The following CFAP54 variants were observed in gnomAD, a reference collection of about 807,000 sequenced individuals.
CFAP54 encodes the protein cilia and flagella associated protein 54.
A neutral mutation model predicts 370.4 loss-of-function variants in CFAP54; 290 were observed. The observed-to-expected ratio is 0.78, with a 90% CI of 0.71 to 0.86. The LOEUF (loss-of-function observed/expected upper bound fraction) is 0.86, where lower values mean the gene tolerates loss of function less well. CFAP54 is among the 40% of genes least tolerant of loss of function. CFAP54 has a pLI of 0.00. For synonymous variants in CFAP54, 1,206 were observed against 1,236.5 expected, an observed-to-expected ratio of 0.98 and a Z score of 0.52; for missense variants, 3,399 against 3,528.7, an observed-to-expected ratio of 0.96 and a Z score of 0.93.
At chr12:96,793,299 A>G (rs974761849) in intron 63 of CFAP54, among the ~76,000 whole-genome samples, 1 of 152,110 alleles carries the variant, frequency 6.6e-6, no homozygotes, top group African/African-American at 2.4e-5. Context: ...TTGGTTTTCC[A>G]TTCCTGAGTT....
chr12:96,800,448 T>C (rs1958808851), intron 63 of CFAP54, among the ~76,000 whole-genome samples: 1 of 152,194 alleles, frequency 6.6e-6, no homozygotes, highest in African/African-American at 2.4e-5. Flanking sequence ...TTTCCATTTT[T>C]TAGTTTGAGA....
chr12:96,580,220 G>A lies in CFAP54; in HGVS notation c.2797-377G>A, dbSNP rs949696320. On this transcript the variant is annotated intron_variant, in intron 20 of 67. Coordinates refer to ENST00000524981, the MANE Select transcript of CFAP54 (RefSeq NM_001306084.2). The stretch of plus-strand genomic sequence containing the variant: ...TTAGGAGTCAACCCTGCCACTATCT[G>A]TCTGATCTTAGGCAAAGTTATTTAA... Among the ~76,000 whole-genome samples the A allele has an allele frequency of 4.0e-5, 6 of 151,842 alleles. No individual in the cohort carries two copies. The East Asian group carries it at 1.2e-3, about 29-fold the overall frequency.
At chr12:96,516,422 A>G (rs1032170453) in intron 5 of CFAP54, among the ~76,000 whole-genome samples, 3 of 152,154 alleles carry the variant, frequency 2.0e-5, no homozygotes, top group African/African-American at 7.2e-5. Flanking sequence ...GCTGCAGGGA[A>G]GGGGTTGATA....
intron 42 of CFAP54, 68 bp downstream of exon 42, chr12:96,685,306 A>C (rs921343034): frequency 4.2e-6 from 6 of 1,421,576 alleles, no homozygotes; most frequent in African/African-American, 2.8e-5. Flanking sequence ...CTCCTGTGCC[A>C]TACAAAGTGC....
At chr12:96,835,265 C>A (rs1959182469) in intron 66 of CFAP54, among the ~76,000 whole-genome samples, 2 of 152,086 alleles carry the variant, frequency 1.3e-5, no homozygotes, top group African/African-American at 4.8e-5. Flanking sequence ...CTCCTGCTAT[C>A]AGCAGAGAGG....
chr12:96,520,964 C>T (rs1212227243), intron 6 of CFAP54, among the ~76,000 whole-genome samples: 2 of 152,174 alleles, frequency 1.3e-5, no homozygotes, highest in Non-Finnish European at 2.9e-5. Flanking sequence ...TTGTGTAGCT[C>T]AAGATACATT....
intron 40 of CFAP54, among the ~76,000 whole-genome samples, chr12:96,680,857 G>A (rs1957261410): frequency 6.6e-6 from 1 of 152,172 alleles, no homozygotes. Context: ...GCCAAGGAGG[G>A]CAGATCATTT....
chr12:96,861,308 G>A (rs1330946118), intron 67 of CFAP54, among the ~76,000 whole-genome samples: 2 of 152,190 alleles, frequency 1.3e-5, no homozygotes, highest in African/African-American at 2.4e-5. Context: ...ACATTTGACA[G>A]TGTCTGGAGA....
intron 64 of CFAP54, among the ~76,000 whole-genome samples, chr12:96,813,062 T>C (rs111967820): frequency 0.012 from 1,808 of 152,368 alleles, 39 homozygotes; most frequent in African/African-American, 0.04. Context: ...CAGGTAATTC[T>C]GCACTTGCTT....
At chr12:96,547,173 G>T (rs1321641038) in intron 14 of CFAP54, among the ~76,000 whole-genome samples, 2 of 151,888 alleles carry the variant, frequency 1.3e-5, no homozygotes, top group African/African-American at 4.8e-5. Flanking sequence ...GCTATCTTCT[G>T]AAAGCTTTTA....
intron 66 of CFAP54, among the ~76,000 whole-genome samples, chr12:96,843,015 A>G (rs1723082214): frequency 6.6e-6 from 1 of 152,248 alleles, no homozygotes; most frequent in Non-Finnish European, 1.5e-5. Flanking sequence ...AGAAGTCAGC[A>G]TGAGCAGGAT....
At chr12:96,755,666 CTTTT>C (rs71758359) in intron 56 of CFAP54, among the ~76,000 whole-genome samples, 4 of 88,030 alleles carry the variant, frequency 4.5e-5, no homozygotes, top group Non-Finnish European at 9.0e-5. Flanking sequence ...TTCTTTTTTC[CTTTT>C]TTTTTTTTTT....
chr12:96,596,243 G>T (rs1036980715), intron 25 of CFAP54, among the ~76,000 whole-genome samples: 2 of 152,132 alleles, frequency 1.3e-5, no homozygotes, highest in Non-Finnish European at 2.9e-5. Flanking sequence ...TGCTCAATTG[G>T]CTGAGTTTAC....
At chr12:96,650,180 T>A in intron 35 of CFAP54, 108 bp downstream of exon 35, 1 of 1,024,300 alleles carries the variant, frequency 9.8e-7, no homozygotes, top group Non-Finnish European at 1.4e-6. Context: ...TAATTTTAGT[T>A]GTGACTTTGA....
chr12:96,784,456 ATTTG>A (rs1013613709), intron 60 of CFAP54, among the ~76,000 whole-genome samples: 54 of 152,028 alleles, frequency 3.6e-4, no homozygotes, highest in African/African-American at 1.1e-3. Context: ...GTTGCTTGAC[ATTTG>A]TTTGTTGATT....
intron 23 of CFAP54, among the ~76,000 whole-genome samples, chr12:96,590,617 T>C (rs1037413074): frequency 6.6e-6 from 1 of 152,182 alleles, no homozygotes; most frequent in African/African-American, 2.4e-5. Flanking sequence ...TGCTATGTGC[T>C]ATGGGGGTAT....
rs74499684 is a variant in CFAP54, at chr12:96,750,126, T to A, written c.7685-3617T>A. Among the ~76,000 whole-genome samples, 954 of 152,366 alleles carry A rather than the reference T, an allele frequency of 6.3e-3. 12 individuals carry two copies. Among genetic ancestry groups the A allele is most frequent in the African/African-American group, 0.022 (903 of 41,592 alleles). The stretch of plus-strand genomic sequence containing the variant: ...AGCCAGAGCTGTCACTCTTTGGAGC[T>A]AGAGACCTTGTTCCAAGCTCTTTTT... On this transcript the variant is annotated intron_variant, in intron 55 of 67. Coordinates refer to ENST00000524981, the MANE Select transcript of CFAP54 (RefSeq NM_001306084.2).
chr12:96,653,875 G>C (rs1956890174), intron 36 of CFAP54, among the ~76,000 whole-genome samples: 1 of 151,630 alleles, frequency 6.6e-6, no homozygotes, highest in South Asian at 2.1e-4. Context: ...TACTGATGAA[G>C]AACAAAAGTG....
chr12:96,559,175 C>G (rs1955789106), intron 17 of CFAP54, among the ~76,000 whole-genome samples: 1 of 152,078 alleles, frequency 6.6e-6, no homozygotes, highest in African/African-American at 2.4e-5. Flanking sequence ...AGGATCACTC[C>G]ACTGCACTCC....
Sources: gnomAD v4.1 joint callset for allele counts (sites outside exome capture counted in the v4.1 genomes callset) on GRCh38, gnomAD v4.1.1 for gene constraint, MANE v1.5 for transcripts, NCBI Gene and HGNC (gene_info 2026-07-23, HGNC 2026-07-21) for gene names.